METTL15: variants seen among roughly 807,000 people sequenced by gnomAD.
METTL15 encodes the protein 12S rRNA N(4)-cytidine methyltransferase METTL15.
METTL15 carries 34 observed loss-of-function variants against 38.3 expected under a neutral mutation model. That is an observed-to-expected ratio of 0.89 (90% CI 0.68 to 1.18). The LOEUF is 1.18. METTL15 is among the 50% of genes most tolerant of loss of function. The pLI is 0.00. For synonymous variants in METTL15, 162 were observed against 170.9 expected (o/e 0.95, Z 0.41); for missense variants, 438 against 498.4 (o/e 0.88, Z 1.15).
chr11:28,138,840 A>G (rs1198771938), intron 3 of METTL15, among the ~76,000 whole-genome samples: 1 of 152,228 alleles, frequency 6.6e-6, no homozygotes, highest in Admixed American at 6.5e-5. Flanking sequence ...GGCTTGAACA[A>G]CAGGCTTATG....
At chr11:28,431,011 CCTGT>C (rs1850921659) in intron 6 of METTL15, among the ~76,000 whole-genome samples, 1 of 72,018 alleles carries the variant, frequency 1.4e-5, no homozygotes, top group Non-Finnish European at 3.4e-5. Flanking sequence ...GGCCAGCCGC[CCTGT>C]CCGGGAGGGA....
rs1851126582 is a variant in METTL15 at position 28,451,937 on chromosome 11, A to C, written c.*424+27573A>C. ...TTCCAAACTCCCATCTGCCCCCATA[A>C]TGTAGACTGAATAGTCAGATCAGTG... is the stretch of plus-strand genomic sequence containing the variant. On this transcript the variant is annotated intron_variant and NMD_transcript_variant, in intron 6 of 7. Transcript: ENST00000532947. 2.6e-5 allele frequency among the ~76,000 whole-genome samples: 4 copies of C among 152,268 alleles called. No individual in the cohort carries two copies. In the South Asian group the frequency reaches 6.2e-4, roughly 24 times the overall value.
intron 4 of METTL15, chr11:28,287,566 T>A: frequency 3.6e-6 from 1 of 280,104 alleles, no homozygotes; most frequent in East Asian, 1.1e-4. Flanking sequence ...CTCATTTGCC[T>A]CTCTTTCTGG....
At chr11:28,213,641 A>C (rs918585022) in intron 4 of METTL15, among the ~76,000 whole-genome samples, 3 of 150,892 alleles carry the variant, frequency 2.0e-5, no homozygotes, top group Non-Finnish European at 3.0e-5. Flanking sequence ...AAATAGGAAA[A>C]AGCAATGCCT....
intron 4 of METTL15, among the ~76,000 whole-genome samples, chr11:28,215,682 CAAG>C (rs1229090519): frequency 1.3e-5 from 2 of 151,996 alleles, no homozygotes; most frequent in Non-Finnish European, 2.9e-5. Flanking sequence ...GAAGGGCATA[CAAG>C]AAGATTTGAA....
chr11:28,312,716 G>A (rs759567507), intron 6 of METTL15, among the ~76,000 whole-genome samples: 24 of 152,052 alleles, frequency 1.6e-4, no homozygotes, highest in Admixed American at 6.6e-4. Flanking sequence ...GTGCCTTCTC[G>A]CTATGTCATC....
intron 6 of METTL15, among the ~76,000 whole-genome samples, chr11:28,432,929 A>ATTT (rs11373492): frequency 1.8e-4 from 27 of 146,968 alleles, no homozygotes; most frequent in African/African-American, 6.2e-4. Flanking sequence ...TTTTTTCCAC[A>ATTT]TTTTTTTTTT....
At chr11:28,235,077 T>G (rs1376933956) in intron 4 of METTL15, among the ~76,000 whole-genome samples, 1 of 152,162 alleles carries the variant, frequency 6.6e-6, no homozygotes, top group East Asian at 1.9e-4. Flanking sequence ...TTTCTCCATT[T>G]CTTGTTTTTG....
intron 3 of METTL15, among the ~76,000 whole-genome samples, chr11:28,153,961 A>G (rs1012085320): frequency 7.9e-5 from 12 of 152,156 alleles, no homozygotes; most frequent in African/African-American, 2.7e-4. Context: ...GTTAATCTCT[A>G]TAAATTGACT....
chr11:28,164,109 T>A (rs1167586830), intron 3 of METTL15: 3 of 152,248 alleles, frequency 2.0e-5, no homozygotes, highest in East Asian at 3.9e-4. Flanking sequence ...AGATTGATTA[T>A]TGCCAAAATA....
Position 28,395,414 on chromosome 11 carries a change from G to A in METTL15, c.*359-28885G>A, listed in dbSNP as rs1850557637. On this transcript the variant is annotated intron_variant and NMD_transcript_variant, in intron 5 of 7. Coordinates refer to the METTL15 transcript ENST00000532947. ...TGGAGACTGAACAGAGATTATTTTG[G>A]TGGACATTGTAGGGCATTGCCCAGG... 4.6e-5 allele frequency among the ~76,000 whole-genome samples: 7 copies of A among 152,048 alleles called. No individual in the cohort carries two copies. The South Asian group carries it at 1.4e-3, about 31-fold the overall frequency.
At chr11:28,226,640 T>G (rs1484618914) in intron 4 of METTL15, among the ~76,000 whole-genome samples, 1 of 151,964 alleles carries the variant, frequency 6.6e-6, no homozygotes, top group Non-Finnish European at 1.5e-5. Context: ...GCGTCAGGTT[T>G]GCTGCTTGTA....
chr11:28,169,227 A>G (rs899056664), intron 3 of METTL15, among the ~76,000 whole-genome samples: 7 of 152,170 alleles, frequency 4.6e-5, no homozygotes, highest in African/African-American at 1.7e-4. Flanking sequence ...TGAATTCTGT[A>G]TTCAAAAAAC....
chr11:28,517,004 T>A (rs1851724796), intron 6 of METTL15: 1 of 152,252 alleles, frequency 6.6e-6, no homozygotes, highest in Admixed American at 6.5e-5. Context: ...TAGACCATGT[T>A]GAAGACCTCA....
intron 6 of METTL15, among the ~76,000 whole-genome samples, chr11:28,452,136 A>G (rs1851128309): frequency 6.6e-6 from 1 of 152,226 alleles, no homozygotes; most frequent in South Asian, 2.1e-4. Context: ...TAGTGTCCAA[A>G]GTCAAGAGGA....
intron 6 of METTL15, among the ~76,000 whole-genome samples, chr11:28,437,605 A>G (rs1850994741): frequency 6.6e-6 from 1 of 152,182 alleles, no homozygotes; most frequent in Non-Finnish European, 1.5e-5. Flanking sequence ...TGCTCTTTTC[A>G]TACTTGAATG....
intron 5 of METTL15, among the ~76,000 whole-genome samples, chr11:28,392,399 T>C (rs1850519261): frequency 6.6e-6 from 1 of 152,002 alleles, no homozygotes; most frequent in African/African-American, 2.4e-5. Flanking sequence ...TATAGACTCA[T>C]GGAACAGAAT....
intron 4 of METTL15, among the ~76,000 whole-genome samples, chr11:28,274,217 A>T (rs1855755927): frequency 6.6e-6 from 1 of 152,056 alleles, no homozygotes; most frequent in South Asian, 2.1e-4. Flanking sequence ...AAAAAAAGAA[A>T]TGAAAATCCA....
At chr11:28,176,322 A>G (rs891242929) in intron 3 of METTL15, among the ~76,000 whole-genome samples, 1 of 151,972 alleles carries the variant, frequency 6.6e-6, no homozygotes, top group African/African-American at 2.4e-5. Context: ...CAATCATACT[A>G]TTTGTATTTT....
Sources: gnomAD v4.1 joint callset for allele counts (sites outside exome capture counted in the v4.1 genomes callset) on GRCh38, gnomAD v4.1.1 for gene constraint, MANE v1.5 for transcripts, NCBI Gene and HGNC (gene_info 2026-07-23, HGNC 2026-07-21) for gene names.